Variants in DLC1 observed in about 807,000 individuals in gnomAD.
The protein encoded by DLC1 is DLC1 Rho GTPase activating protein.
In DLC1, 54 loss-of-function variants were observed where a neutral mutation model predicts 140.3. That is an observed-to-expected ratio of 0.38 (90% CI 0.31 to 0.48). The LOEUF is 0.48. DLC1 is among the 20% of genes least tolerant of loss of function. DLC1 has a pLI of 0.96. For missense variants in DLC1, 2,536 were observed against 1,907.0 expected, an observed-to-expected ratio of 1.33 and a Z score of -6.14; for synonymous variants, 986 against 728.1, an observed-to-expected ratio of 1.35 and a Z score of -5.70.
intron 5 of DLC1, among the ~76,000 whole-genome samples, chr8:13,219,536 AT>A (rs1828440115): frequency 6.6e-6 from 1 of 150,740 alleles, no homozygotes; most frequent in Non-Finnish European, 1.5e-5. Context: ...ATATATATAC[AT>A]TTATATTTAT....
rs968315860 is a variant in DLC1 at position 13,307,444 on chromosome 8, G to T, written c.1315-2142C>A. Among the ~76,000 whole-genome samples, 3 of 152,098 alleles carry T rather than the reference G, an allele frequency of 2.0e-5. No individual in the cohort carries two copies. The East Asian group carries it at 5.8e-4, about 29-fold the overall frequency. On this transcript the variant is annotated intron_variant, in intron 4 of 17. Transcript: ENST00000276297. The stretch of plus-strand genomic sequence containing the variant: ...TTTTACAAGTGATCCTACAGTTTTG[G>T]TAATGTTTGTTTACTTTCTATGTGT...
At chr8:13,381,481 A>G (rs546636060) in intron 4 of DLC1, among the ~76,000 whole-genome samples, 1 of 152,352 alleles carries the variant, frequency 6.6e-6, no homozygotes, top group East Asian at 1.9e-4. Flanking sequence ...TATGACCAGT[A>G]GAATACAAGA....
chr8:13,095,261 G>C lies in DLC1; in HGVS notation c.3168-16C>G, dbSNP rs1308133750. On this transcript the variant is annotated splice_polypyrimidine_tract_variant and intron_variant, in intron 10 of 17. Transcript: ENST00000276297. ...GGGCACGGCCCTGTTAAAGAACACA[G>C]AGATGGTGGTGTTGGCGGAGACATG... 29 of 1,614,044 alleles carry C rather than the reference G, an allele frequency of 1.8e-5. No individual in the cohort carries two copies. The East Asian group carries it at 6.0e-4, about 33-fold the overall frequency.
chr8:13,533,222 A>G (rs899350773), intron 1 of DLC1, among the ~76,000 whole-genome samples: 1 of 146,008 alleles, frequency 6.8e-6, no homozygotes, highest in African/African-American at 2.5e-5. Flanking sequence ...GAACAATGTT[A>G]TATATTGAGT....
chr8:13,333,810 T>A (rs546672362), intron 4 of DLC1, among the ~76,000 whole-genome samples: 1 of 152,326 alleles, frequency 6.6e-6, no homozygotes, highest in African/African-American at 2.4e-5. Context: ...ATGTTTATTT[T>A]ATGAGGCTTC....
intron 2 of DLC1, among the ~76,000 whole-genome samples, chr8:13,449,829 C>A (rs568379087): frequency 6.6e-6 from 1 of 151,898 alleles, no homozygotes; most frequent in Non-Finnish European, 1.5e-5. Context: ...TAAAAAAAAT[C>A]CTGTGTTTCC....
At chr8:13,542,259 TA>T (rs1349274587) in intron 1 of DLC1, among the ~76,000 whole-genome samples, 1 of 152,230 alleles carries the variant, frequency 6.6e-6, no homozygotes, top group East Asian at 1.9e-4. Context: ...AAGATTTTTT[TA>T]TGCCTATGTA....
intron 1 of DLC1, among the ~76,000 whole-genome samples, chr8:13,545,230 C>T (rs1314938383): frequency 1.3e-5 from 2 of 151,500 alleles, no homozygotes. Context: ...ACATGGATAT[C>T]CTGCTCAAAT....
At chr8:13,153,292 C>A (rs1324722336) in intron 5 of DLC1, among the ~76,000 whole-genome samples, 2 of 152,072 alleles carry the variant, frequency 1.3e-5, no homozygotes, top group Non-Finnish European at 2.9e-5. Context: ...CTTAAGGTGG[C>A]GCGTCTGGAG....
At chr8:13,527,802 C>A (rs1056433083) in intron 1 of DLC1, among the ~76,000 whole-genome samples, 1 of 152,044 alleles carries the variant, frequency 6.6e-6, no homozygotes, top group South Asian at 2.1e-4. Context: ...ATCTATTATA[C>A]GTGAACTAGG....
rs186882757 is a variant in DLC1 at position 13,245,795 on chromosome 8, G to T, written c.1348+59474C>A. ...AGCTCACTACAACCTCAGCTCCCTG[G>T]GTTCAAGCGATTCTCTTGCCTCAGC... On this transcript the variant is annotated intron_variant, in intron 5 of 17. Coordinates refer to ENST00000276297, the MANE Select transcript of DLC1 (RefSeq NM_182643.3). Among the ~76,000 whole-genome samples the T allele has an allele frequency of 2.1e-3, 326 of 152,154 alleles. 3 individuals are homozygous for T. Among genetic ancestry groups the T allele is most frequent in the African/African-American group, 7.3e-3 (303 of 41,518 alleles).
rs1344141077 is a variant in DLC1 at position 13,447,082 on chromosome 8, C to T, written c.1024-45463G>A. 2.6e-5 allele frequency among the ~76,000 whole-genome samples: 4 copies of T among 152,254 alleles called. No individual in the cohort carries two copies. In the South Asian group the frequency reaches 8.3e-4, roughly 32 times the overall value. Reference sequence around the variant, plus strand: ...TTTTAAAAATTTCTCTAAACTTTCCCTGTGTGTAGAGCTCTAAAGCCTTCA... The same window carrying T: ...TTTTAAAAATTTCTCTAAACTTTCCTTGTGTGTAGAGCTCTAAAGCCTTCA... On this transcript the variant is annotated intron_variant, in intron 2 of 17. Transcript: ENST00000276297.
intron 2 of DLC1, among the ~76,000 whole-genome samples, chr8:13,456,702 A>C (rs1344215387): frequency 6.6e-6 from 1 of 152,078 alleles, no homozygotes; most frequent in South Asian, 2.1e-4. Flanking sequence ...CAAATGATCC[A>C]CCTGCCTCAG....
In DLC1 at chr8:13,453,390, ATATATATATATGTG is replaced by A. The variant is rs1563359399; in HGVS notation, c.1023+45645_1023+45658del. 3.6e-4 allele frequency among the ~76,000 whole-genome samples: 20 copies of A among 55,732 alleles called. 1 individual carries two copies. Among genetic ancestry groups the A allele is most frequent in the Admixed American group, 5.7e-4 (2 of 3,496 alleles). 36.6% of individuals were successfully genotyped at this position (55,732 alleles called of 152,430 possible). The stretch of plus-strand genomic sequence containing the variant: ...CTAAAAGAATAAGATGGCCCAGGAT[ATATATATATATGTG>A]TATATATATATATATATATGTGTAT... On this transcript the variant is annotated intron_variant, in intron 2 of 17. Transcript: ENST00000276297.
At chr8:13,580,999 T>C (rs1424046767) in intron 1 of DLC1, among the ~76,000 whole-genome samples, 1 of 152,208 alleles carries the variant, frequency 6.6e-6, no homozygotes, top group East Asian at 1.9e-4. Context: ...TCTTATCAGC[T>C]TTCCCCCATG....
intron 5 of DLC1, among the ~76,000 whole-genome samples, chr8:13,286,970 G>A (rs1242046289): frequency 6.6e-6 from 1 of 152,182 alleles, no homozygotes; most frequent in African/African-American, 2.4e-5. Context: ...GCACTCTAGA[G>A]ACTGAAGCAC....
intron 4 of DLC1, among the ~76,000 whole-genome samples, chr8:13,383,281 C>T: frequency 6.6e-6 from 1 of 152,150 alleles, no homozygotes; most frequent in East Asian, 1.9e-4. Flanking sequence ...TACGTGCCTT[C>T]TGTTTCCTCC....
At chr8:13,141,401 C>G (rs1184057045) in intron 5 of DLC1, among the ~76,000 whole-genome samples, 1 of 151,522 alleles carries the variant, frequency 6.6e-6, no homozygotes. Flanking sequence ...TCCATTAATA[C>G]TAATAAATCA....
At chr8:13,189,525 G>A (rs1270555207) in intron 5 of DLC1, among the ~76,000 whole-genome samples, 1 of 152,000 alleles carries the variant, frequency 6.6e-6, no homozygotes, top group African/African-American at 2.4e-5. Flanking sequence ...ACCGCTAAAT[G>A]CAACTGTAAT....
Sources: gnomAD v4.1 joint callset for allele counts (sites outside exome capture counted in the v4.1 genomes callset) on GRCh38, gnomAD v4.1.1 for gene constraint, MANE v1.5 for transcripts, NCBI Gene and HGNC (gene_info 2026-07-23, HGNC 2026-07-21) for gene names.